The following FHIT variants were observed in gnomAD, a reference collection of about 807,000 sequenced individuals.
FHIT encodes fragile histidine triad diadenosine triphosphatase.
Under a neutral mutation model 17.9 loss-of-function variants are expected in FHIT, and 19 were observed. The observed-to-expected ratio is 1.06, with a 90% CI of 0.74 to 1.56. The LOEUF is 1.56. FHIT is among the 40% of genes most tolerant of loss of function. The pLI is 0.00. For missense variants in FHIT, 248 were observed against 189.2 expected (o/e 1.31, Z -1.82); for synonymous variants, 81 against 69.7 (o/e 1.16, Z -0.81).
intron 5 of FHIT, among the ~76,000 whole-genome samples, chr3:60,365,527 CTTTCT>C (rs1200053912): frequency 6.6e-6 from 1 of 152,140 alleles, no homozygotes; most frequent in Non-Finnish European, 1.5e-5. Context: ...ATTAAAACAA[CTTTCT>C]TTTCTGTTAA....
At chr3:59,901,485 A>G (rs1045158793) in intron 8 of FHIT, among the ~76,000 whole-genome samples, 2 of 152,200 alleles carry the variant, frequency 1.3e-5, no homozygotes, top group South Asian at 2.1e-4. Flanking sequence ...CATTCCTCCA[A>G]AGAAGCTATA....
chr3:60,540,678 A>G (rs1200632590), intron 4 of FHIT, among the ~76,000 whole-genome samples: 1 of 152,178 alleles, frequency 6.6e-6, no homozygotes, highest in African/African-American at 2.4e-5. Flanking sequence ...CTTATTTTAT[A>G]TAGCACATGA....
chr3:61,166,517 T>C (rs968923933), intron 2 of FHIT, among the ~76,000 whole-genome samples: 4 of 152,230 alleles, frequency 2.6e-5, no homozygotes, highest in Non-Finnish European at 5.9e-5. Context: ...ACCTCACATT[T>C]ACAGAAGCAG....
At chr3:59,857,535 T>TTTAC (rs398105914) in intron 8 of FHIT, among the ~76,000 whole-genome samples, 1 of 151,728 alleles carries the variant, frequency 6.6e-6, no homozygotes, top group East Asian at 1.9e-4. Flanking sequence ...GACAAGATTA[T>TTTAC]ACAAATAATA....
intron 4 of FHIT, among the ~76,000 whole-genome samples, chr3:60,568,896 GT>G (rs1347998693): frequency 2.0e-5 from 3 of 151,648 alleles, no homozygotes; most frequent in East Asian, 3.9e-4. Flanking sequence ...TCTTGGAAAA[GT>G]CACCATACCA....
intron 8 of FHIT, among the ~76,000 whole-genome samples, chr3:59,910,528 C>G (rs529994372): frequency 6.6e-6 from 1 of 152,078 alleles, no homozygotes; most frequent in African/African-American, 2.4e-5. Flanking sequence ...GAAAATGAGT[C>G]TCTGGTCTCA....
chr3:61,210,027 A>G (rs189537069), intron 1 of FHIT, among the ~76,000 whole-genome samples: 64 of 152,260 alleles, frequency 4.2e-4, no homozygotes, highest in Admixed American at 2.6e-3. Context: ...TTTTCCTTCT[A>G]ACAGTCAGGA....
At chr3:59,811,948 C>T (rs1700421531) in intron 8 of FHIT, among the ~76,000 whole-genome samples, 1 of 152,142 alleles carries the variant, frequency 6.6e-6, no homozygotes, top group Admixed American at 6.5e-5. Flanking sequence ...GCCTTGTGCC[C>T]CCTTGGCAGC....
intron 5 of FHIT, among the ~76,000 whole-genome samples, chr3:60,202,340 T>G (rs1393364885): frequency 2.0e-5 from 3 of 152,168 alleles, no homozygotes; most frequent in Non-Finnish European, 4.4e-5. Context: ...GAAGCTGCAT[T>G]TCCTGCAGGG....
rs529126995 is a variant in FHIT, at chr3:60,297,716, T to C, written c.103+239144A>G. Among the ~76,000 whole-genome samples, 10 of 152,188 alleles carry C rather than the reference T, an allele frequency of 6.6e-5. No individual in the cohort carries two copies. The South Asian group carries it at 2.1e-3, about 32-fold the overall frequency. ...GCGTAGGGGGCATAAAATACTAAAG[T>C]GTTTTCCTACTCTCACACACTACTC... is the stretch of plus-strand genomic sequence containing the variant. On this transcript the variant is annotated intron_variant, in intron 5 of 9. Coordinates refer to ENST00000492590, the MANE Select transcript of FHIT (RefSeq NM_002012.4).
At chr3:60,854,262 C>T (rs563562000) in intron 3 of FHIT, among the ~76,000 whole-genome samples, 1 of 152,096 alleles carries the variant, frequency 6.6e-6, no homozygotes, top group African/African-American at 2.4e-5. Flanking sequence ...TAACTTTTCT[C>T]ATACAAAGCT....
intron 5 of FHIT, among the ~76,000 whole-genome samples, chr3:60,198,962 G>C (rs1331674932): frequency 5.9e-5 from 9 of 152,164 alleles, no homozygotes; most frequent in African/African-American, 9.7e-5. Context: ...TCAGGTAATG[G>C]GGAATGTAGC....
intron 5 of FHIT, among the ~76,000 whole-genome samples, chr3:60,220,808 G>A (rs1345802594): frequency 6.6e-6 from 1 of 152,144 alleles, no homozygotes; most frequent in African/African-American, 2.4e-5. Context: ...TACATTTAGA[G>A]CCGACATTCA....
intron 2 of FHIT, among the ~76,000 whole-genome samples, chr3:61,054,640 C>T (rs1053765640): frequency 6.6e-5 from 10 of 152,106 alleles, no homozygotes; most frequent in African/African-American, 1.9e-4. Flanking sequence ...TCTGTATAAA[C>T]CCTGCAATTT....
At chr3:60,534,661 CAG>C (rs2035917961) in intron 5 of FHIT, among the ~76,000 whole-genome samples, 1 of 152,026 alleles carries the variant, frequency 6.6e-6, no homozygotes, top group Non-Finnish European at 1.5e-5. Context: ...TTCTTATAAT[CAG>C]AGAGGGTTGG....
At chr3:60,320,093 A>C (rs57888562) in intron 5 of FHIT, among the ~76,000 whole-genome samples, 13,999 of 152,142 alleles carry the variant, frequency 0.092, 2,125 homozygotes, top group African/African-American at 0.31. Context: ...CACCATCCAG[A>C]CCACATTTTA....
chr3:60,390,396 T>TAAAAAAAAAAAAAAAAAA (rs869078939), intron 5 of FHIT, among the ~76,000 whole-genome samples: 17 of 32,028 alleles, frequency 5.3e-4, no homozygotes, highest in African/African-American at 1.9e-3. Flanking sequence ...GTAATGGAGC[T>TAAAAAAAAAAAAAAAAAA]AAAAAAAAAA....
At chr3:60,524,276 A>G (rs938591401) in intron 5 of FHIT, among the ~76,000 whole-genome samples, 5 of 152,016 alleles carry the variant, frequency 3.3e-5, no homozygotes, top group African/African-American at 1.2e-4. Context: ...TTTAGTGTAT[A>G]AACACTACAA....
chr3:59,918,955 T>G (rs988149264), intron 8 of FHIT, among the ~76,000 whole-genome samples: 3 of 151,958 alleles, frequency 2.0e-5, no homozygotes, highest in African/African-American at 7.3e-5. Flanking sequence ...AGGCTGGGAA[T>G]GAGAAAAAAA....
Sources: allele counts gnomAD v4.1 joint callset (sites outside exome capture counted in the v4.1 genomes callset), GRCh38; gene constraint gnomAD v4.1.1; transcripts MANE v1.5; gene names NCBI Gene and HGNC (gene_info 2026-07-23, HGNC 2026-07-21).